ENAH: variants seen among roughly 807,000 people sequenced by gnomAD.
The protein encoded by ENAH is ENAH actin regulator, also known as protein enabled homolog.
In ENAH, 23 loss-of-function variants were observed where a neutral mutation model predicts 78.7. That is an observed-to-expected ratio of 0.29 (90% CI 0.21 to 0.41). The LOEUF is 0.41. Ranked by LOEUF, ENAH falls within the 10% of genes least tolerant of loss-of-function variation. The probability of loss-of-function intolerance (pLI) is 1.00; values close to 1 mark genes in which losing one functional copy is unlikely to be tolerated. For missense variants in ENAH, 544 were observed against 691.0 expected, an observed-to-expected ratio of 0.79 and a Z score of 2.39; for synonymous variants, 226 against 241.0, an observed-to-expected ratio of 0.94 and a Z score of 0.58.
At chr1:225,534,644 T>C (rs777488338) in intron 3 of ENAH, among the ~76,000 whole-genome samples, 3 of 152,028 alleles carry the variant, frequency 2.0e-5, no homozygotes, top group Non-Finnish European at 4.4e-5. Context: ...ATCTCTCTCA[T>C]AAAATAATCT....
chr1:225,516,149 G>A (rs1382884514), intron 6 of ENAH, among the ~76,000 whole-genome samples: 3 of 152,132 alleles, frequency 2.0e-5, no homozygotes. Context: ...TCCACTTAGA[G>A]ATTACATCCT....
chr1:225,629,631 A>G (rs1658632110), intron 1 of ENAH, among the ~76,000 whole-genome samples: 1 of 152,120 alleles, frequency 6.6e-6, no homozygotes, highest in South Asian at 2.1e-4. Context: ...AAATCAAAGG[A>G]AAGTAAGCTC....
chr1:225,529,645 C>T (rs1433583786), intron 4 of ENAH, among the ~76,000 whole-genome samples: 4 of 151,832 alleles, frequency 2.6e-5, no homozygotes, highest in East Asian at 3.9e-4. Context: ...GTACTTAGAA[C>T]AAAAAATGCC....
At chr1:225,633,266 G>A (rs1013993457) in intron 1 of ENAH, among the ~76,000 whole-genome samples, 1 of 151,236 alleles carries the variant, frequency 6.6e-6, no homozygotes. Flanking sequence ...TAGCGAGGAT[G>A]GTCTTGATCT....
intron 1 of ENAH, among the ~76,000 whole-genome samples, chr1:225,631,711 A>T (rs1255665660): frequency 6.6e-6 from 1 of 152,176 alleles, no homozygotes; most frequent in African/African-American, 2.4e-5. Flanking sequence ...CTTCACTCTC[A>T]AAGTTTCTCC....
chr1:225,497,700 G>T lies in ENAH; in HGVS notation c.*75C>A. ...TTACAGCTCATAAATGTAGGGGTTT[G>T]CTGTTGTGAACAGTTGTTGTTTGTA... On this transcript the variant is annotated 3_prime_UTR_variant, in exon 14 of 14. Coordinates refer to ENST00000366843, the MANE Select transcript of ENAH (RefSeq NM_018212.6). 1 of 1,447,314 alleles carries T rather than the reference G, an allele frequency of 6.9e-7. No homozygotes were observed. Among genetic ancestry groups the T allele is most frequent in the Non-Finnish European group, 9.6e-7 (1 of 1,042,402 alleles). The allele number at this position is 1,447,314 out of a possible 1,614,324, so 89.7% of individuals were successfully genotyped here. A position where few individuals can be genotyped will look rare whatever the true frequency, so the allele number is the denominator to read the frequency against.
chr1:225,612,368 A>C (rs1378688973), intron 1 of ENAH, among the ~76,000 whole-genome samples: 2 of 152,220 alleles, frequency 1.3e-5, no homozygotes, highest in Non-Finnish European at 2.9e-5. Context: ...TGGAATGTCC[A>C]GAATAGGCAA....
At position 225,653,068 on chromosome 1, in the gene ENAH, C is replaced by T. The variant is rs1453385788; in HGVS notation, c.-378G>A. On this transcript the variant is annotated 5_prime_UTR_variant, in exon 1 of 14. Coordinates refer to ENST00000366843, the MANE Select transcript of ENAH (RefSeq NM_018212.6). The surrounding 1 kb of genome is among the most constrained non-coding windows in gnomAD (Gnocchi z 4.3). ...CCGCTCCACAGGCCCGCGCTCGCCG[C>T]GCCGCCGCCGAGGCCGTGTGCAACC... is the stretch of plus-strand genomic sequence containing the variant. 6.3e-6 allele frequency: 1 copy of T among 157,482 alleles called. No homozygotes were observed. Among genetic ancestry groups the T allele is most frequent in the East Asian group, 1.9e-4 (1 of 5,358 alleles). The allele number at this position is 157,482 out of a possible 1,614,324, so 9.8% of individuals were successfully genotyped here.
chr1:225,605,806 G>C (rs1029145976), intron 1 of ENAH, among the ~76,000 whole-genome samples: 6 of 152,148 alleles, frequency 3.9e-5, no homozygotes, highest in Admixed American at 6.5e-5. Flanking sequence ...GACACACACA[G>C]AGGGAAGATC....
intron 2 of ENAH, among the ~76,000 whole-genome samples, chr1:225,556,134 T>C (rs925599074): frequency 6.6e-6 from 1 of 152,228 alleles, no homozygotes; most frequent in African/African-American, 2.4e-5. Context: ...AATTGGATTA[T>C]TTGCAGTTTG....
At chr1:225,576,550 C>G (rs1021111615) in intron 1 of ENAH, among the ~76,000 whole-genome samples, 1 of 152,156 alleles carries the variant, frequency 6.6e-6, no homozygotes, top group Non-Finnish European at 1.5e-5. Flanking sequence ...AAAGCTGAAA[C>G]GTCATTATCT....
chr1:225,591,764 CAAAAAAAAA>C lies in ENAH; in HGVS notation c.6-24359_6-24351del, dbSNP rs55680042. On this transcript the variant is annotated intron_variant, in intron 1 of 13. Coordinates refer to ENST00000366843, the MANE Select transcript of ENAH (RefSeq NM_018212.6). Reference sequence around the variant, plus strand: ...TGGGCGACAGAGACAGACTCCGTCTCAAAAAAAAAAAAAAAAAAAAAAAAAAGGGCTTCA... The same window carrying C: ...TGGGCGACAGAGACAGACTCCGTCTCAAAAAAAAAAAAAAAAAGGGCTTCA... 3.5e-4 allele frequency among the ~76,000 whole-genome samples: 14 copies of C among 39,504 alleles called. No homozygotes were observed. The East Asian group carries it at 7.5e-3, about 21-fold the overall frequency. The allele number at this position is 39,504 out of a possible 152,430, so 25.9% of individuals were successfully genotyped here. A position where few individuals can be genotyped will look rare whatever the true frequency, so the allele number is the denominator to read the frequency against.
At chr1:225,558,011 C>A (rs1262318910) in intron 2 of ENAH, among the ~76,000 whole-genome samples, 1 of 152,100 alleles carries the variant, frequency 6.6e-6, no homozygotes, top group Non-Finnish European at 1.5e-5. Flanking sequence ...CAGTAAGTTA[C>A]ACTGATGATT....
intron 1 of ENAH, among the ~76,000 whole-genome samples, chr1:225,628,491 A>G (rs550738896): frequency 1.3e-5 from 2 of 152,360 alleles, no homozygotes; most frequent in Admixed American, 1.3e-4. Flanking sequence ...GCAACTAATA[A>G]AATTCTAAGT....
At position 225,604,621 on chromosome 1, in the gene ENAH, CAAAAAAAAAAAA is replaced by C. The variant is rs762454618; in HGVS notation, c.6-37219_6-37208del. ...CAACATGGTAAAACCCCGTCTCTAC[CAAAAAAAAAAAA>C]AAAAAAAAAATTAGCCAGGCATGGT... is the stretch of plus-strand genomic sequence containing the variant. On this transcript the variant is annotated intron_variant, in intron 1 of 13. Coordinates refer to ENST00000366843, the MANE Select transcript of ENAH (RefSeq NM_018212.6). 3.4e-5 allele frequency among the ~76,000 whole-genome samples: 3 copies of C among 88,964 alleles called. No homozygotes were observed. In the South Asian group the frequency reaches 1.1e-3, roughly 32 times the overall value. The allele number at this position is 88,964 out of a possible 152,430, so 58.4% of individuals were successfully genotyped here. A position where few individuals can be genotyped will look rare whatever the true frequency, so the allele number is the denominator to read the frequency against.
At chr1:225,512,095 C>T (rs1346120322) in intron 9 of ENAH, among the ~76,000 whole-genome samples, 2 of 152,148 alleles carry the variant, frequency 1.3e-5, no homozygotes, top group Non-Finnish European at 2.9e-5. Context: ...CTTTCACTAG[C>T]CAATGCTACA....
intron 3 of ENAH, among the ~76,000 whole-genome samples, chr1:225,544,737 T>A (rs778901476): frequency 1.3e-5 from 2 of 152,174 alleles, no homozygotes; most frequent in Non-Finnish European, 2.9e-5. Flanking sequence ...AACTTAAAAG[T>A]CATAGAAGTT....
chr1:225,624,744 AT>A (rs1461102278), intron 1 of ENAH, among the ~76,000 whole-genome samples: 2 of 152,186 alleles, frequency 1.3e-5, no homozygotes, highest in Admixed American at 1.3e-4. Context: ...CAATGAAAGG[AT>A]GCTGTGATCT....
chr1:225,537,853 C>G (rs2096569670), intron 3 of ENAH, among the ~76,000 whole-genome samples: 1 of 151,956 alleles, frequency 6.6e-6, no homozygotes, highest in Non-Finnish European at 1.5e-5. Flanking sequence ...TGTAGAAACG[C>G]TGGGTAAGTT....
Sources: gnomAD v4.1 joint callset for allele counts (sites outside exome capture counted in the v4.1 genomes callset) on GRCh38, gnomAD v4.1.1 for gene constraint, Gnocchi (gnomAD v3.1) non-coding constraint, MANE v1.5 for transcripts, NCBI Gene and HGNC (gene_info 2026-07-23, HGNC 2026-07-21) for gene names.